The following MEP1B variants were observed in gnomAD, a reference collection of about 807,000 sequenced individuals.
The protein encoded by MEP1B is N-benzoyl-L-tyrosyl-P-amino-benzoic acid hydrolase subunit beta.
MEP1B carries 80 observed loss-of-function variants against 84.6 expected under a neutral mutation model. That is an observed-to-expected ratio of 0.95 (90% CI 0.79 to 1.14). The LOEUF (loss-of-function observed/expected upper bound fraction) is 1.14, where lower values mean the gene tolerates loss of function less well. Among genes scored for constraint, MEP1B ranks in the 50% most tolerant of loss-of-function variants. The probability of loss-of-function intolerance (pLI) is 0.00; values close to 1 mark genes in which losing one functional copy is unlikely to be tolerated. For missense variants in MEP1B, 766 were observed against 855.1 expected (o/e 0.90, Z 1.30); for synonymous variants, 273 against 288.1 (o/e 0.95, Z 0.53).
intron 9 of MEP1B, among the ~76,000 whole-genome samples, chr18:32,209,486 C>CAA (rs1156344556): frequency 0.04 from 4,233 of 107,082 alleles, 192 homozygotes; most frequent in African/African-American, 0.12. Flanking sequence ...GACGTTGTCT[C>CAA]AAAAAAAAAA....
rs335518 is a variant in MEP1B at position 32,213,563 on chromosome 18, C to T, written c.1579+4C>T. 942,959 of 1,596,056 alleles carry T rather than the reference C, an allele frequency of 0.59. 284,955 individuals carry two copies. The highest frequency in any genetic ancestry group is 0.9 in the East Asian group (40,343 of 44,694). On this transcript the variant is annotated splice_donor_region_variant and intron_variant, in intron 11 of 14. Transcript: ENST00000269202. Reference sequence around the variant, plus strand: ...ACAGACCCATTTATGACCACCGGTTCGTAACTCATTTTCTTTATTGCTAAT... The same window carrying T: ...ACAGACCCATTTATGACCACCGGTTTGTAACTCATTTTCTTTATTGCTAAT...
chr18:32,212,992 C>T (rs1598896263), intron 10 of MEP1B, 124 bp from the exon 11 acceptor site: 1 of 870,420 alleles, frequency 1.1e-6, no homozygotes, highest in Non-Finnish European at 1.8e-6. Context: ...CAAAACCATA[C>T]TTCTGACCTG....
In MEP1B at chr18:32,196,861, T is replaced by C; in HGVS notation, c.250+1376T>C. 3.8e-6 allele frequency: 2 copies of C among 522,754 alleles called. No homozygotes were observed. The highest frequency in any genetic ancestry group is 5.8e-5 in the Admixed American group (2 of 34,616). The allele number at this position is 522,754 out of a possible 1,614,324, so 32.4% of individuals were successfully genotyped here. On this transcript the variant is annotated intron_variant, in intron 5 of 14. Transcript: ENST00000269202. This position sits in a 1 kb window ranked among gnomAD's most constrained non-coding sequence, Gnocchi z 4.4. ...CTCAGGGCCTCTGCGTACTTGCCCATGATGTAGTGGAGGCGGGCAAGGAGG... is the reference window on the plus strand; with the variant it reads ...CTCAGGGCCTCTGCGTACTTGCCCACGATGTAGTGGAGGCGGGCAAGGAGG...
chr18:32,216,080 C>G (rs974133771), intron 12 of MEP1B, among the ~76,000 whole-genome samples: 7 of 149,490 alleles, frequency 4.7e-5, no homozygotes, highest in Non-Finnish European at 1.0e-4. Flanking sequence ...CACCTGGCAG[C>G]CAATAAATAC....
chr18:32,204,254 A>G lies in MEP1B; in HGVS notation c.441A>G (p.Ile147Met), dbSNP rs1284880580. ...CCATCGGGGCAAACTGTGACCGAATAGCAACAGTTCAACACGAGTTCCTCC... is the reference window on the plus strand; with the variant it reads ...CCATCGGGGCAAACTGTGACCGAATGGCAACAGTTCAACACGAGTTCCTCC... The part of the protein sequence containing the change: ...ELSIGANCDR[I>M]ATVQHEFLHA... Residue 147 changes from isoleucine (I) to methionine (M), a missense_variant, in exon 7 of 15, where the codon ATA (isoleucine) becomes ATG (methionine). By Grantham distance (10) the Ile-to-Met change is conservative (BLOSUM62 1). Coordinates refer to ENST00000269202, the MANE Select transcript of MEP1B (RefSeq NM_005925.3). 1.2e-6 allele frequency: 2 copies of G among 1,605,574 alleles called. No homozygotes were observed. Among genetic ancestry groups the G allele is most frequent in the Non-Finnish European group, 1.7e-6 (2 of 1,176,314 alleles).
intron 5 of MEP1B, among the ~76,000 whole-genome samples, chr18:32,199,355 C>T (rs905852496): frequency 4.0e-5 from 6 of 151,858 alleles, no homozygotes; most frequent in Non-Finnish European, 5.9e-5. Context: ...AGAAGATGGT[C>T]GAGAATGAAA....
intron 9 of MEP1B, among the ~76,000 whole-genome samples, chr18:32,209,692 C>T (rs2041003592): frequency 1.6e-5 from 1 of 62,482 alleles, no homozygotes; most frequent in South Asian, 8.5e-4. Flanking sequence ...GTGAATCTCC[C>T]CAGATGGTTG....
chr18:32,209,564 T>A (rs1238124866), intron 9 of MEP1B, among the ~76,000 whole-genome samples: 1 of 151,898 alleles, frequency 6.6e-6, no homozygotes, highest in Non-Finnish European at 1.5e-5. Context: ...TAGAGATGGC[T>A]TAGAAGGTTA....
rs748527112 is a variant in MEP1B at position 32,217,026 on chromosome 18, A to G, written c.1795A>G (p.Thr599Ala). 7 of 1,613,984 alleles carry G rather than the reference A, an allele frequency of 4.3e-6. No homozygotes were observed. Among genetic ancestry groups the G allele is most frequent in the Non-Finnish European group, 5.9e-6 (7 of 1,179,856 alleles). Residue 599 changes from threonine (T) to alanine (A), a missense_variant, in exon 13 of 15, where the codon ACA becomes GCA. By Grantham distance (58) the Thr-to-Ala change is moderately conservative. Coordinates refer to ENST00000269202, the MANE Select transcript of MEP1B (RefSeq NM_005925.3). ...SHLNSTQIQL[T>A]PAPSVQDLCS... ...CCTCAACTCTACACAAATCCAGCTA[A>G]CACCAGCCCCTAGTGTTCAAGACCT... is the stretch of plus-strand genomic sequence containing the variant.
chr18:32,218,496 C>G (rs1474381646), intron 14 of MEP1B, among the ~76,000 whole-genome samples: 2 of 152,192 alleles, frequency 1.3e-5, no homozygotes. Flanking sequence ...CAAAAAATCT[C>G]TAGAATGCTA....
chr18:32,196,613 C>T lies in MEP1B; in HGVS notation c.250+1128C>T. ...AGCACAGCGACAGGTCGTACTCCAT[C>T]ACCCTGTGCAGCACCCGCCTGATGT... On this transcript the variant is annotated intron_variant, in intron 5 of 14. Transcript: ENST00000269202. This position sits in a 1 kb window ranked among gnomAD's most constrained non-coding sequence, Gnocchi z 4.4. 1.4e-6 allele frequency: 1 copy of T among 722,488 alleles called. No individual in the cohort carries two copies. The highest frequency in any genetic ancestry group is 2.5e-6 in the Non-Finnish European group (1 of 393,636). The allele number at this position is 722,488 out of a possible 1,614,324, so 44.8% of individuals were successfully genotyped here. A position where few individuals can be genotyped will look rare whatever the true frequency, so the allele number is the denominator to read the frequency against.
intron 10 of MEP1B, among the ~76,000 whole-genome samples, chr18:32,212,755 T>C (rs1186046127): frequency 6.6e-6 from 1 of 152,150 alleles, no homozygotes; most frequent in African/African-American, 2.4e-5. Context: ...GAATCTTGAG[T>C]AGAAGTGTTA....
intron 10 of MEP1B, 133 bp downstream of exon 10, chr18:32,210,849 G>C: frequency 1.4e-6 from 1 of 708,454 alleles, no homozygotes; most frequent in Non-Finnish European, 2.4e-6. Flanking sequence ...CTAGATTCTT[G>C]TTTTAAGCTG....
intron 6 of MEP1B, 105 bp downstream of exon 6, chr18:32,203,115 G>A (rs1312528406): frequency 3.9e-5 from 24 of 610,618 alleles, no homozygotes; most frequent in Non-Finnish European, 5.6e-5. Context: ...GAAGGGGTGG[G>A]GACTTTCTTG....
intron 6 of MEP1B, among the ~76,000 whole-genome samples, 191 bp from the exon 7 acceptor site, chr18:32,203,991 C>T (rs565665030): frequency 6.6e-6 from 1 of 152,246 alleles, no homozygotes; most frequent in Non-Finnish European, 1.5e-5. Flanking sequence ...TACAGTTCAA[C>T]ATGAGATGTG....
At position 32,215,164 on chromosome 18, in the gene MEP1B, TG is replaced by T. The variant is rs768745580; in HGVS notation, c.1667del (p.Gly556AlafsTer8). 4 of 1,611,054 alleles carry T rather than the reference TG, an allele frequency of 2.5e-6. No homozygotes were observed. The highest frequency in any genetic ancestry group is 3.3e-5 in the Admixed American group (2 of 59,710). ...CTAATGGAACTCAGTTTAGAAGAGG[TG>T]GGGGCTATGGAACCAGTGCCTTTAT... ...FSNGTQFRRGGGYGTSAFITH... is the reference protein window; with the variant it reads ...FSNGTQFRRGXGYGTSAFITH... On this transcript the variant is annotated frameshift_variant, in exon 12 of 15. Coordinates refer to ENST00000269202, the MANE Select transcript of MEP1B (RefSeq NM_005925.3). LOFTEE classifies it high-confidence loss of function.
chr18:32,217,921 C>G lies in MEP1B; in HGVS notation c.2047C>G (p.Arg683Gly). 1 of 1,613,836 alleles carries G rather than the reference C, an allele frequency of 6.2e-7. No homozygotes were observed. Among genetic ancestry groups the G allele is most frequent in the South Asian group, 1.1e-5 (1 of 91,074 alleles). ...TGTCTATTGCACCAGGAAGAAATAT[C>G]GTGAAAGGATGAGCTCAAATCGACC... is the stretch of plus-strand genomic sequence containing the variant. ...VSVYCTRKKY[R>G]ERMSSNRPNL... Residue 683 changes from arginine to glycine, a missense_variant, in exon 14 of 15, where the codon CGT becomes GGT. By Grantham distance (125) the Arg-to-Gly change is moderately radical. Transcript: ENST00000269202.
At chr18:32,194,578 A>G (rs1446414524) in intron 4 of MEP1B, among the ~76,000 whole-genome samples, 1 of 152,004 alleles carries the variant, frequency 6.6e-6, no homozygotes, top group East Asian at 1.9e-4. Context: ...GTCTCAACAC[A>G]TATTCAAAAC....
chr18:32,195,127 TA>T (rs2040839207), intron 4 of MEP1B, among the ~76,000 whole-genome samples: 1 of 152,224 alleles, frequency 6.6e-6, no homozygotes, highest in South Asian at 2.1e-4. Flanking sequence ...AACTAACCTA[TA>T]AATCTACCAA....
Sources: allele counts gnomAD v4.1 joint callset (sites outside exome capture counted in the v4.1 genomes callset), GRCh38; gene constraint gnomAD v4.1.1; non-coding constraint Gnocchi (gnomAD v3.1); transcripts MANE v1.5; gene names NCBI Gene and HGNC (gene_info 2026-07-23, HGNC 2026-07-21).